Variants in ARHGAP8 observed in about 807,000 individuals in gnomAD.
The protein encoded by ARHGAP8 is rho GTPase-activating protein 8.
In ARHGAP8, 62 loss-of-function variants were observed where a neutral mutation model predicts 46.1. The observed-to-expected ratio is 1.34, with a 90% CI of 1.10 to 1.66. ARHGAP8 has a LOEUF of 1.66. ARHGAP8 is among the 40% of genes most tolerant of loss of function. The probability of loss-of-function intolerance (pLI) is 0.00; values close to 1 mark genes in which losing one functional copy is unlikely to be tolerated. For missense variants in ARHGAP8, 923 were observed against 568.4 expected (o/e 1.62, Z -6.34); for synonymous variants, 375 against 243.1 (o/e 1.54, Z -5.05).
chr22:44,861,546 C>T (rs2070485141), intron 11 of ARHGAP8, among the ~76,000 whole-genome samples: 2 of 151,826 alleles, frequency 1.3e-5, no homozygotes, highest in Non-Finnish European at 2.9e-5. Flanking sequence ...CCTGGCCCTG[C>T]CTCCCTCCAG....
intron 5 of ARHGAP8, among the ~76,000 whole-genome samples, chr22:44,815,381 G>A (rs1366932566): frequency 6.6e-6 from 1 of 151,446 alleles, no homozygotes; most frequent in South Asian, 2.1e-4. Context: ...CCCCTCCTGA[G>A]ATGAGACAAA....
intron 7 of ARHGAP8, among the ~76,000 whole-genome samples, chr22:44,841,323 C>T (rs1168849854): frequency 1.1e-4 from 17 of 152,278 alleles, no homozygotes; most frequent in Non-Finnish European, 7.3e-5. Context: ...ATGTTTTCTG[C>T]GTGCTGGGGT....
At chr22:44,847,105 C>T (rs940236085) in intron 8 of ARHGAP8, among the ~76,000 whole-genome samples, 8 of 152,182 alleles carry the variant, frequency 5.3e-5, no homozygotes, top group Non-Finnish European at 8.8e-5. Flanking sequence ...CTCCAGATGC[C>T]TGCGCCACAG....
chr22:44,821,615 C>A (rs932494522), intron 5 of ARHGAP8, among the ~76,000 whole-genome samples: 34 of 152,226 alleles, frequency 2.2e-4, no homozygotes, highest in Middle Eastern at 3.2e-3. Context: ...CTTTGCAATT[C>A]ATGCTGAGCC....
chr22:44,792,722 G>A (rs1464417395), intron 2 of ARHGAP8, among the ~76,000 whole-genome samples: 1 of 152,068 alleles, frequency 6.6e-6, no homozygotes, highest in Non-Finnish European at 1.5e-5. Context: ...AATTTTGAAT[G>A]ATCTCTCCCT....
intron 8 of ARHGAP8, among the ~76,000 whole-genome samples, chr22:44,846,493 A>G (rs1034041824): frequency 1.3e-5 from 2 of 152,186 alleles, no homozygotes; most frequent in Non-Finnish European, 2.9e-5. Context: ...CTCAAACCCC[A>G]GACCCTGCGG....
In ARHGAP8 at chr22:44,779,731, G is replaced by A. The variant is rs529391793; in HGVS notation, c.-71-6726G>A. On this transcript the variant is annotated intron_variant, in intron 1 of 11. Coordinates refer to ENST00000356099, the MANE Select transcript of ARHGAP8 (RefSeq NM_181335.3). ...TGTGAGCCATGGGCCACCACGCCCA[G>A]CTAATTTTTGTATTTTTAGTAGAGA... is the stretch of plus-strand genomic sequence containing the variant. Among the ~76,000 whole-genome samples, 23 of 151,874 alleles carry A rather than the reference G, an allele frequency of 1.5e-4. No individual in the cohort carries two copies. In the South Asian group the frequency reaches 4.8e-3, roughly 32 times the overall value.
intron 7 of ARHGAP8, among the ~76,000 whole-genome samples, chr22:44,826,643 C>T (rs1930542551): frequency 6.6e-6 from 1 of 152,132 alleles, no homozygotes; most frequent in Admixed American, 6.6e-5. Flanking sequence ...CCTGGCTGGT[C>T]TCGAACTCCT....
At chr22:44,821,213 C>T (rs540699977) in intron 5 of ARHGAP8, among the ~76,000 whole-genome samples, 6 of 144,702 alleles carry the variant, frequency 4.1e-5, no homozygotes, top group South Asian at 2.2e-4. Flanking sequence ...GGGCGGATCA[C>T]GAGGTCAGGA....
In ARHGAP8 at chr22:44,862,449, G is replaced by C. The variant is rs774654624; in HGVS notation, c.1156G>C (p.Ala386Pro). Residue 386 changes from alanine to proline, a missense_variant, in exon 12 of 12, where the codon GCA becomes CCA. Physicochemically the swap from Ala to Pro is conservative, Grantham distance 27. Transcript: ENST00000356099. ...YYEKIFSTPE[A>P]PGEHGLAPWE... Reference sequence around the variant, plus strand: ...TGAAAAGATCTTCAGCACCCCGGAGGCACCTGGGGAGCACGGCCTGGCACC... The same window carrying C: ...TGAAAAGATCTTCAGCACCCCGGAGCCACCTGGGGAGCACGGCCTGGCACC... The C allele has an allele frequency of 2.8e-5, 45 of 1,613,938 alleles. No individual in the cohort carries two copies. Among genetic ancestry groups the C allele is most frequent in the Admixed American group, 1.2e-4 (7 of 60,002 alleles).
chr22:44,755,337 C>T (rs1447771840), intron 1 of ARHGAP8, among the ~76,000 whole-genome samples: 2 of 152,242 alleles, frequency 1.3e-5, no homozygotes, highest in Admixed American at 1.3e-4. Context: ...AAGATGGAGC[C>T]ATTCGGAGCC....
At chr22:44,830,066 C>G (rs1930833413) in intron 7 of ARHGAP8, among the ~76,000 whole-genome samples, 1 of 151,488 alleles carries the variant, frequency 6.6e-6, no homozygotes, top group Admixed American at 6.6e-5. Context: ...CTCTGTCGCC[C>G]AGGCTGGAGT....
chr22:44,820,102 G>A (rs964951366), intron 5 of ARHGAP8, among the ~76,000 whole-genome samples: 1 of 152,204 alleles, frequency 6.6e-6, no homozygotes, highest in Non-Finnish European at 1.5e-5. Flanking sequence ...CAGACCTCCT[G>A]ACTCAGATCC....
chr22:44,772,219 T>G (rs1024828448), intron 1 of ARHGAP8, among the ~76,000 whole-genome samples: 1 of 146,538 alleles, frequency 6.8e-6, no homozygotes, highest in Non-Finnish European at 1.5e-5. Flanking sequence ...TACTACTGTT[T>G]TGCCTTTTTT....
intron 10 of ARHGAP8, among the ~76,000 whole-genome samples, chr22:44,854,997 TACTC>T (rs1025240325): frequency 2.0e-4 from 30 of 152,202 alleles, no homozygotes; most frequent in African/African-American, 6.8e-4. Flanking sequence ...TTGTCAGAGT[TACTC>T]AAGTCACAAG....
At chr22:44,795,055 C>CA (rs1364137092) in intron 2 of ARHGAP8, among the ~76,000 whole-genome samples, 1 of 135,258 alleles carries the variant, frequency 7.4e-6, no homozygotes, top group African/African-American at 3.0e-5. Flanking sequence ...AAAAAAAAAA[C>CA]AAAAAACGAA....
chr22:44,804,470 A>C (rs550225449), intron 3 of ARHGAP8, among the ~76,000 whole-genome samples: 1 of 152,160 alleles, frequency 6.6e-6, no homozygotes. Flanking sequence ...CTCCCCGACA[A>C]TGAACTGATT....
At chr22:44,840,598 T>A (rs1482021923) in intron 7 of ARHGAP8, among the ~76,000 whole-genome samples, 2 of 152,156 alleles carry the variant, frequency 1.3e-5, no homozygotes, top group Admixed American at 6.5e-5. Context: ...GAGTCTAAGA[T>A]CAAGGTGCCA....
intron 2 of ARHGAP8, among the ~76,000 whole-genome samples, chr22:44,796,863 A>G (rs1287665544): frequency 6.6e-6 from 1 of 152,154 alleles, no homozygotes; most frequent in Non-Finnish European, 1.5e-5. Flanking sequence ...GAACCCCTAG[A>G]TTTGTAGGCA....
Sources: allele counts gnomAD v4.1 joint callset (sites outside exome capture counted in the v4.1 genomes callset), GRCh38; gene constraint gnomAD v4.1.1; transcripts MANE v1.5; gene names NCBI Gene and HGNC (gene_info 2026-07-23, HGNC 2026-07-21).